Variants in RFX4 observed in about 807,000 individuals in gnomAD.
The protein encoded by RFX4 is regulatory factor X4.
A neutral mutation model predicts 95.0 loss-of-function variants in RFX4; 10 were observed. That is an observed-to-expected ratio of 0.11 (90% CI 0.06 to 0.18). The LOEUF is 0.18. Among genes scored for constraint, RFX4 ranks in the 10% least tolerant of loss-of-function variants. RFX4 has a pLI of 1.00. For synonymous variants in RFX4, 321 were observed against 340.7 expected, an observed-to-expected ratio of 0.94 and a Z score of 0.64; for missense variants, 640 against 922.0, an observed-to-expected ratio of 0.69 and a Z score of 3.96.
chr12:106,755,520 C>G (rs1267998974), intron 17 of RFX4, among the ~76,000 whole-genome samples: 2 of 152,170 alleles, frequency 1.3e-5, no homozygotes, highest in African/African-American at 4.8e-5. Flanking sequence ...CAATGCTAAA[C>G]CAGTGGTACT....
At chr12:106,725,086 C>T (rs2042467816) in intron 13 of RFX4, among the ~76,000 whole-genome samples, 1 of 151,434 alleles carries the variant, frequency 6.6e-6, no homozygotes, top group African/African-American at 2.4e-5. Context: ...GTTGCCATTG[C>T]TGTGTAATAA....
intron 1 of RFX4, among the ~76,000 whole-genome samples, chr12:106,594,608 G>A (rs947180975): frequency 6.6e-6 from 1 of 152,128 alleles, no homozygotes; most frequent in African/African-American, 2.4e-5. Flanking sequence ...GCTGGGAGTG[G>A]GAGCGCCGTC....
intron 9 of RFX4, 64 bp downstream of exon 9, chr12:106,709,494 T>C: frequency 7.7e-7 from 1 of 1,291,994 alleles, no homozygotes; most frequent in Non-Finnish European, 1.1e-6. Context: ...ATATTTTACA[T>C]AAGTTGTTAA....
rs1443795120 is a variant in RFX4 at position 106,687,182 on chromosome 12, T to TCTCTCACACA, written c.591+86_591+87insTCTCACACAC. 9.1e-4 allele frequency: 496 copies of TCTCTCACACA among 547,162 alleles called. 4 individuals are homozygous for TCTCTCACACA. The highest frequency in any genetic ancestry group is 6.6e-3 in the African/African-American group (312 of 47,244). 33.9% of individuals were successfully genotyped at this position (547,162 alleles called of 1,614,324 possible). ...CTCTGTCTCTATCTCTCTCTCTCTC[T>TCTCTCACACA]CACACACACACACACACACACACAC... On this transcript the variant is annotated intron_variant, in intron 6 of 17. Transcript: ENST00000392842.
intron 2 of RFX4, among the ~76,000 whole-genome samples, chr12:106,621,778 C>T (rs1361802781): frequency 6.6e-6 from 1 of 152,114 alleles, no homozygotes; most frequent in African/African-American, 2.4e-5. Flanking sequence ...GGTTCCATTT[C>T]CCAGTGTAGC....
intron 16 of RFX4, among the ~76,000 whole-genome samples, chr12:106,748,424 A>G (rs942556482): frequency 2.0e-5 from 3 of 152,204 alleles, no homozygotes; most frequent in African/African-American, 7.2e-5. Flanking sequence ...GGGATTTCCC[A>G]TAGGTTCTAG....
intron 2 of RFX4, among the ~76,000 whole-genome samples, chr12:106,624,570 G>T (rs1008891656): frequency 6.6e-6 from 1 of 151,890 alleles, no homozygotes; most frequent in Non-Finnish European, 1.5e-5. Flanking sequence ...CTCATAATCC[G>T]CCTGCCTCAG....
chr12:106,600,023 T>C (rs762749240), intron 1 of RFX4, among the ~76,000 whole-genome samples: 1 of 152,178 alleles, frequency 6.6e-6, no homozygotes, highest in African/African-American at 2.4e-5. Context: ...TCAAAAACTT[T>C]ATGAGCTTCT....
chr12:106,712,976 T>C (rs1659200168), intron 10 of RFX4, among the ~76,000 whole-genome samples: 1 of 152,146 alleles, frequency 6.6e-6, no homozygotes, highest in South Asian at 2.1e-4. Context: ...CACCCATGCC[T>C]ATAGCCACGT....
chr12:106,693,018 A>C, intron 7 of RFX4: 1 of 343,056 alleles, frequency 2.9e-6, no homozygotes, highest in Non-Finnish European at 6.0e-6. Context: ...CCTCCACCCA[A>C]TTGCTTAAGC....
At chr12:106,687,182 T>TCTCTCC in intron 6 of RFX4, 85 bp downstream of exon 6, 1 of 544,958 alleles carries the variant, frequency 1.8e-6, no homozygotes, top group Non-Finnish European at 3.3e-6. Context: ...TCTCTCTCTC[T>TCTCTCC]CACACACACA....
At chr12:106,684,706 C>A in intron 5 of RFX4, 1 of 1,487,026 alleles carries the variant, frequency 6.7e-7, no homozygotes, top group Non-Finnish European at 9.0e-7. Context: ...AGAGTGAGTT[C>A]CAGGTGGGAA....
intron 2 of RFX4, among the ~76,000 whole-genome samples, chr12:106,630,584 C>T (rs1040823978): frequency 2.6e-5 from 4 of 152,192 alleles, no homozygotes; most frequent in Admixed American, 1.3e-4. Context: ...GGAAATGAAA[C>T]GTTTGGCAGC....
In RFX4 at chr12:106,621,516, T is replaced by C. The variant is rs567427585; in HGVS notation, c.130+12633T>C. 1.4e-3 allele frequency among the ~76,000 whole-genome samples: 208 copies of C among 152,332 alleles called. 2 individuals are homozygous for C. Among genetic ancestry groups the C allele is most frequent in the Non-Finnish European group, 2.7e-3 (185 of 68,016 alleles). ...CGACTTCCCTTTACTTTGACCCAGC[T>C]TGGACTCCAACCCTAACCAATTAAT... On this transcript the variant is annotated intron_variant, in intron 2 of 17. Transcript: ENST00000392842.
chr12:106,738,729 C>G (rs2042755653), intron 15 of RFX4, among the ~76,000 whole-genome samples: 3 of 152,136 alleles, frequency 2.0e-5, no homozygotes, highest in African/African-American at 7.2e-5. Context: ...CTAAATTAGA[C>G]TGGATCTGGG....
At position 106,689,373 on chromosome 12, in the gene RFX4, A is replaced by ACCCTTGTTGACCTAC; in HGVS notation, c.669+10_669+11insCCTTGTTGACCTACC. 1 of 1,602,880 alleles carries ACCCTTGTTGACCTAC rather than the reference A, an allele frequency of 6.2e-7. No homozygotes were observed. The highest frequency in any genetic ancestry group is 8.5e-7 in the Non-Finnish European group (1 of 1,169,746). Reference sequence around the variant, plus strand: ...GAGCCAACTTTGATGAGGTAGGTCAACAAGGGTTGAGCTGTGAATACTCGG... The same window carrying ACCCTTGTTGACCTAC: ...GAGCCAACTTTGATGAGGTAGGTCAACCCTTGTTGACCTACCAAGGGTTGAGCTGTGAATACTCGG... On this transcript the variant is annotated intron_variant, in intron 7 of 17. Transcript: ENST00000392842.
chr12:106,613,953 T>C (rs1224546618), intron 2 of RFX4, among the ~76,000 whole-genome samples: 1 of 152,206 alleles, frequency 6.6e-6, no homozygotes, highest in Non-Finnish European at 1.5e-5. Flanking sequence ...TTTTCTAAAG[T>C]TGTGCCAATT....
intron 4 of RFX4, among the ~76,000 whole-genome samples, chr12:106,671,788 A>G (rs1013501159): frequency 2.0e-5 from 3 of 152,098 alleles, no homozygotes. Flanking sequence ...CAGCCTCCTG[A>G]GTAGCTGGGA....
Position 106,727,212 on chromosome 12 carries a change from A to G in RFX4, c.1352-4918A>G, listed in dbSNP as rs113379080. 8.3e-3 allele frequency among the ~76,000 whole-genome samples: 1,264 copies of G among 152,326 alleles called. 25 individuals are homozygous for G. The highest frequency in any genetic ancestry group is 0.029 in the African/African-American group (1,208 of 41,568). ...AATTACCAATTAACATACTATATTA[A>G]TAAAAAGAGAAGAATCATAAAATCA... is the stretch of plus-strand genomic sequence containing the variant. On this transcript the variant is annotated intron_variant, in intron 13 of 17. Coordinates refer to ENST00000392842, the MANE Select transcript of RFX4 (RefSeq NM_213594.3).
Sources: allele counts gnomAD v4.1 joint callset (sites outside exome capture counted in the v4.1 genomes callset), GRCh38; gene constraint gnomAD v4.1.1; transcripts MANE v1.5; gene names NCBI Gene and HGNC (gene_info 2026-07-23, HGNC 2026-07-21).